CNNM2: variants seen among roughly 807,000 people sequenced by gnomAD.
The protein encoded by CNNM2 is cyclin and CBS domain divalent metal cation transport mediator 2.
In CNNM2, 12 loss-of-function variants were observed where a neutral mutation model predicts 66.9. The observed-to-expected ratio is 0.18, with a 90% CI of 0.11 to 0.29. The LOEUF (loss-of-function observed/expected upper bound fraction) is 0.29, where lower values mean the gene tolerates loss of function less well. CNNM2 is among the 10% of genes least tolerant of loss of function. The probability of loss-of-function intolerance (pLI) is 1.00; values close to 1 mark genes in which losing one functional copy is unlikely to be tolerated. For synonymous variants in CNNM2, 557 were observed against 501.8 expected (o/e 1.11, Z -1.47); for missense variants, 705 against 1,167.7 (o/e 0.60, Z 5.77).
intron 1 of CNNM2, among the ~76,000 whole-genome samples, chr10:103,014,255 C>T (rs1590396298): frequency 1.3e-5 from 2 of 152,126 alleles, no homozygotes; most frequent in African/African-American, 4.8e-5. Flanking sequence ...TTGTCCTTGC[C>T]CTCAAAGTAT....
chr10:102,991,629 G>A (rs1412447780), intron 1 of CNNM2, among the ~76,000 whole-genome samples: 1 of 152,130 alleles, frequency 6.6e-6, no homozygotes, highest in Non-Finnish European at 1.5e-5. Context: ...GTATCTGAAG[G>A]AGTAGAGGGA....
At chr10:103,039,095 T>C (rs994451688) in intron 1 of CNNM2, among the ~76,000 whole-genome samples, 1 of 152,214 alleles carries the variant, frequency 6.6e-6, no homozygotes, top group African/African-American at 2.4e-5. Flanking sequence ...TGAAATTGTA[T>C]TGCTTCTCCT....
chr10:102,936,904 T>A (rs1439286855), intron 1 of CNNM2, among the ~76,000 whole-genome samples: 1 of 152,200 alleles, frequency 6.6e-6, no homozygotes, highest in Non-Finnish European at 1.5e-5. Context: ...AGGTACAGAA[T>A]TGAAATGTAT....
chr10:102,984,070 A>C (rs1218873962), intron 1 of CNNM2, among the ~76,000 whole-genome samples: 1 of 152,152 alleles, frequency 6.6e-6, no homozygotes, highest in East Asian at 1.9e-4. Flanking sequence ...TGTAAATTTT[A>C]TGAGCCTACT....
chr10:103,014,643 T>A (rs565854882), intron 1 of CNNM2, among the ~76,000 whole-genome samples: 2 of 152,318 alleles, frequency 1.3e-5, no homozygotes, highest in South Asian at 4.1e-4. Context: ...AAAAATTTAG[T>A]TGGGTGTTAA....
intron 4 of CNNM2, among the ~76,000 whole-genome samples, chr10:103,059,604 T>C (rs2065350661): frequency 6.6e-6 from 1 of 152,170 alleles, no homozygotes; most frequent in African/African-American, 2.4e-5. Flanking sequence ...TCAGAAGCAA[T>C]AAAGACAGTT....
intron 1 of CNNM2, among the ~76,000 whole-genome samples, chr10:102,955,024 CTACTT>C (rs1241348341): frequency 6.6e-6 from 1 of 152,194 alleles, no homozygotes; most frequent in Admixed American, 6.5e-5. Flanking sequence ...ATTGAAAAAA[CTACTT>C]TAAAGTTCAT....
At chr10:103,069,270 G>T (rs919731074) in intron 5 of CNNM2, among the ~76,000 whole-genome samples, 1 of 152,148 alleles carries the variant, frequency 6.6e-6, no homozygotes, top group South Asian at 2.1e-4. Flanking sequence ...TCAATATGTG[G>T]CTTTGAACAT....
chr10:102,989,761 C>T (rs1289737766), intron 1 of CNNM2, among the ~76,000 whole-genome samples: 1 of 151,952 alleles, frequency 6.6e-6, no homozygotes, highest in Non-Finnish European at 1.5e-5. Context: ...GAGATGGCAC[C>T]ACTGCACTCC....
Position 102,918,999 on chromosome 10 carries a change from C to A in CNNM2, c.519C>A (p.Ile173=). Residue 173 remains isoleucine (I), a synonymous_variant, in exon 1 of 8, where the codon ATC becomes ATA. Coordinates refer to ENST00000369878, the MANE Select transcript of CNNM2 (RefSeq NM_017649.5). The surrounding 1 kb of genome is among the most constrained non-coding windows in gnomAD (Gnocchi z 4.1). ...IILNRRTSGI[I]EIEIKPLRKM... ...TCAACCGCCGCACCTCGGGCATCATCGAGATCGAGATCAAACCGCTACGCA... is the reference window on the plus strand; with the variant it reads ...TCAACCGCCGCACCTCGGGCATCATAGAGATCGAGATCAAACCGCTACGCA... 1 of 1,612,862 alleles carries A rather than the reference C, an allele frequency of 6.2e-7. No homozygotes were observed. The highest frequency in any genetic ancestry group is 1.7e-4 in the Middle Eastern group (1 of 6,060).
chr10:103,022,945 C>T (rs1398713881), intron 1 of CNNM2, among the ~76,000 whole-genome samples: 1 of 152,020 alleles, frequency 6.6e-6, no homozygotes, highest in Non-Finnish European at 1.5e-5. Context: ...TGTGGTTGCC[C>T]AGGCTGGAGT....
chr10:102,976,716 C>T (rs1477107652), intron 1 of CNNM2, among the ~76,000 whole-genome samples: 3 of 145,624 alleles, frequency 2.1e-5, no homozygotes, highest in African/African-American at 7.8e-5. Context: ...GATTTGTCCA[C>T]CTTGGCCTCC....
At chr10:103,029,565 A>T (rs936540879) in intron 1 of CNNM2, among the ~76,000 whole-genome samples, 3 of 151,478 alleles carry the variant, frequency 2.0e-5, no homozygotes, top group African/African-American at 7.3e-5. Flanking sequence ...CTCACAGAGG[A>T]CTAAAAATTC....
At chr10:103,034,700 A>G (rs1037733308) in intron 1 of CNNM2, among the ~76,000 whole-genome samples, 3 of 152,214 alleles carry the variant, frequency 2.0e-5, no homozygotes, top group Non-Finnish European at 2.9e-5. Context: ...CATAAAACCA[A>G]AGCCCTAACA....
At chr10:102,984,266 G>A (rs1267055615) in intron 1 of CNNM2, among the ~76,000 whole-genome samples, 3 of 152,182 alleles carry the variant, frequency 2.0e-5, no homozygotes, top group South Asian at 2.1e-4. Context: ...ATGGATGTGT[G>A]GAATTGTTTT....
chr10:103,057,489 G>A (rs1009479787), intron 4 of CNNM2, among the ~76,000 whole-genome samples: 3 of 151,924 alleles, frequency 2.0e-5, no homozygotes, highest in African/African-American at 7.2e-5. Flanking sequence ...AAGTTGGGGG[G>A]ATGCACCTAG....
At chr10:102,992,503 T>C (rs1245356000) in intron 1 of CNNM2, among the ~76,000 whole-genome samples, 5 of 151,878 alleles carry the variant, frequency 3.3e-5, no homozygotes, top group East Asian at 1.9e-4. Flanking sequence ...GAACTCCTGA[T>C]CTCGAAGTGA....
At chr10:103,073,096 C>G (rs1012860332) in intron 6 of CNNM2, among the ~76,000 whole-genome samples, 1 of 152,206 alleles carries the variant, frequency 6.6e-6, no homozygotes, top group African/African-American at 2.4e-5. Context: ...CTCGCGCTGG[C>G]GCCCGTCGAG....
intron 5 of CNNM2, among the ~76,000 whole-genome samples, chr10:103,071,229 G>A (rs1029474965): frequency 1.3e-5 from 2 of 152,190 alleles, no homozygotes; most frequent in Non-Finnish European, 2.9e-5. Context: ...GATGACTCTG[G>A]TCTGCATTCC....
Sources: allele counts gnomAD v4.1 joint callset (sites outside exome capture counted in the v4.1 genomes callset), GRCh38; gene constraint gnomAD v4.1.1; non-coding constraint Gnocchi (gnomAD v3.1); transcripts MANE v1.5; gene names NCBI Gene and HGNC (gene_info 2026-07-23, HGNC 2026-07-21).